IL1RAPL2: variants seen among roughly 807,000 people sequenced by gnomAD.
IL1RAPL2 encodes X-linked interleukin-1 receptor accessory protein-like 2.
Under a neutral mutation model 44.1 loss-of-function variants are expected in IL1RAPL2, and 3 were observed. That is an observed-to-expected ratio of 0.07 (90% confidence interval 0.03 to 0.18). The LOEUF is 0.18. Among genes scored for constraint, IL1RAPL2 ranks in the 10% least tolerant of loss-of-function variants. IL1RAPL2 has a pLI of 1.00. For missense variants in IL1RAPL2, 391 were observed against 496.4 expected (o/e 0.79, Z 2.02); for synonymous variants, 181 against 178.8 (o/e 1.01, Z -0.10).
At chrX:105,266,691 A>G (rs1320695613) in intron 4 of IL1RAPL2, among the ~76,000 whole-genome samples, 2 of 111,431 alleles carry the variant, frequency 1.8e-5, no homozygotes, top group African/African-American at 6.5e-5. Context: ...CTGTGGTTAT[A>G]TATCACTGAA....
intron 2 of IL1RAPL2, among the ~76,000 whole-genome samples, chrX:105,101,897 C>T (rs1245171606): frequency 8.9e-6 from 1 of 112,158 alleles, no homozygotes; most frequent in African/African-American, 3.2e-5. Flanking sequence ...TATTGCCACT[C>T]AGCCTGCAGT....
Position 105,171,044 on chromosome X carries a change from C to T in IL1RAPL2, c.83-24431C>T, listed in dbSNP as rs1180367550. On this transcript the variant is annotated intron_variant, in intron 2 of 10. Coordinates refer to ENST00000372582, the MANE Select transcript of IL1RAPL2 (RefSeq NM_017416.2). ...TTCATGGAGTTGTTGAGCCAGCAGA[C>T]TGAGATAAAAGATGCAATAGGATTT... is the stretch of plus-strand genomic sequence containing the variant. Among the ~76,000 whole-genome samples, 5 of 111,325 alleles carry T rather than the reference C, an allele frequency of 4.5e-5. No individual in the cohort carries two copies. The Admixed American group carries it at 4.8e-4, about 11-fold the overall frequency.
chrX:105,261,659 A>G (rs1009484522), intron 4 of IL1RAPL2, among the ~76,000 whole-genome samples: 1 of 111,413 alleles, frequency 9.0e-6, no homozygotes, highest in Non-Finnish European at 1.9e-5. Flanking sequence ...ACTGTTTTCT[A>G]TAACTGTTGG....
intron 10 of IL1RAPL2, among the ~76,000 whole-genome samples, chrX:105,755,581 T>C: frequency 8.9e-6 from 1 of 111,856 alleles, no homozygotes; most frequent in African/African-American, 3.2e-5. Context: ...TGGTCATTTT[T>C]ATTATATTGC....
chrX:104,795,087 G>C (rs1428305645), intron 2 of IL1RAPL2, among the ~76,000 whole-genome samples: 1 of 111,334 alleles, frequency 9.0e-6, no homozygotes, highest in African/African-American at 3.3e-5. Context: ...AGTATAAAGT[G>C]GTTTACAGAA....
At chrX:104,611,009 T>C (rs968864361) in intron 1 of IL1RAPL2, among the ~76,000 whole-genome samples, 2 of 111,672 alleles carry the variant, frequency 1.8e-5, no homozygotes, top group Non-Finnish European at 3.8e-5. Flanking sequence ...CAAATATTGC[T>C]GCCTGATCCT....
chrX:105,126,536 A>G (rs771890243), intron 2 of IL1RAPL2, among the ~76,000 whole-genome samples: 1 of 111,355 alleles, frequency 9.0e-6, no homozygotes, highest in South Asian at 3.7e-4. Flanking sequence ...ATATGTTGGA[A>G]AGCAAACTTT....
intron 5 of IL1RAPL2, among the ~76,000 whole-genome samples, chrX:105,477,651 C>T (rs1372914705): frequency 8.9e-6 from 1 of 111,856 alleles, no homozygotes; most frequent in African/African-American, 3.2e-5. Flanking sequence ...TCTGGCTCTC[C>T]GTAAATCTGA....
chrX:105,104,887 T>C (rs191674795), intron 2 of IL1RAPL2, among the ~76,000 whole-genome samples: 1 of 112,277 alleles, frequency 8.9e-6, no homozygotes, highest in Non-Finnish European at 1.9e-5. Context: ...AAGGCAAGGA[T>C]AGACCCTGTC....
At chrX:104,666,757 G>T (rs1252526878) in intron 2 of IL1RAPL2, among the ~76,000 whole-genome samples, 5 of 111,385 alleles carry the variant, frequency 4.5e-5, no homozygotes, top group African/African-American at 1.6e-4. Context: ...GGTGTAATTT[G>T]CCCTAAACGA....
At chrX:105,531,616 C>T (rs1490379910) in intron 6 of IL1RAPL2, among the ~76,000 whole-genome samples, 1 of 111,788 alleles carries the variant, frequency 8.9e-6, no homozygotes, top group Non-Finnish European at 1.9e-5. Context: ...GGGTATTGCT[C>T]AAGAAATTTT....
intron 5 of IL1RAPL2, among the ~76,000 whole-genome samples, chrX:105,370,788 T>G (rs2035333068): frequency 8.9e-6 from 1 of 112,241 alleles, no homozygotes; most frequent in African/African-American, 3.2e-5. Flanking sequence ...TTTAAGTTAT[T>G]TGAGAAATCA....
At chrX:105,551,365 A>C (rs1387944918) in intron 6 of IL1RAPL2, among the ~76,000 whole-genome samples, 1 of 110,077 alleles carries the variant, frequency 9.1e-6, no homozygotes, top group East Asian at 2.8e-4. Flanking sequence ...CTTTATAATG[A>C]AGGTAAATGA....
chrX:105,576,939 G>T lies in IL1RAPL2; in HGVS notation c.772+92552G>T, dbSNP rs747730240. ...CTTAAAAGTGAAACTAAAGTCATTG[G>T]TATGACAAGACTGACATGAAAAGTT... On this transcript the variant is annotated intron_variant, in intron 6 of 10. Coordinates refer to ENST00000372582, the MANE Select transcript of IL1RAPL2 (RefSeq NM_017416.2). 3.6e-5 allele frequency among the ~76,000 whole-genome samples: 4 copies of T among 111,474 alleles called. No individual in the cohort carries two copies. The East Asian group carries it at 1.1e-3, about 32-fold the overall frequency.
At chrX:104,671,985 C>T (rs190281215) in intron 2 of IL1RAPL2, among the ~76,000 whole-genome samples, 1 of 111,573 alleles carries the variant, frequency 9.0e-6, no homozygotes, top group African/African-American at 3.3e-5. Context: ...ATTTTAATGT[C>T]TGAACACCAC....
chrX:104,633,691 C>T (rs1929714119), intron 1 of IL1RAPL2, among the ~76,000 whole-genome samples: 1 of 110,941 alleles, frequency 9.0e-6, no homozygotes, highest in Non-Finnish European at 1.9e-5. Flanking sequence ...GGTGATATCC[C>T]CTTTATCATT....
At chrX:105,125,901 CAATA>C (rs986643282) in intron 2 of IL1RAPL2, among the ~76,000 whole-genome samples, 1 of 110,030 alleles carries the variant, frequency 9.1e-6, no homozygotes, top group African/African-American at 3.3e-5. Context: ...AGAATAAAGG[CAATA>C]AATAAATAAA....
At chrX:104,602,690 C>A (rs1388692470) in intron 1 of IL1RAPL2, among the ~76,000 whole-genome samples, 1 of 111,230 alleles carries the variant, frequency 9.0e-6, no homozygotes. Flanking sequence ...GGCAGTATTA[C>A]GCTCACAGTG....
chrX:105,630,307 G>C (rs1335908665), intron 6 of IL1RAPL2, among the ~76,000 whole-genome samples: 1 of 111,197 alleles, frequency 9.0e-6, no homozygotes, highest in Admixed American at 9.6e-5. Context: ...TACTAGTGCA[G>C]GCACCCTACT....
Sources: allele counts gnomAD v4.1 joint callset (sites outside exome capture counted in the v4.1 genomes callset), GRCh38; gene constraint gnomAD v4.1.1; transcripts MANE v1.5; gene names NCBI Gene and HGNC (gene_info 2026-07-23, HGNC 2026-07-21).